Variants in XIRP2 observed in about 807,000 individuals in gnomAD.
The protein encoded by XIRP2 is xin actin binding repeat containing 2.
A neutral mutation model predicts 277.0 loss-of-function variants in XIRP2; 236 were observed. The observed-to-expected ratio is 0.85, with a 90% CI of 0.77 to 0.95. The LOEUF (loss-of-function observed/expected upper bound fraction) is 0.95. XIRP2 is among the 40% of genes least tolerant of loss of function. XIRP2 has a pLI of 0.00. For synonymous variants in XIRP2, 1,490 were observed against 1,416.5 expected, an observed-to-expected ratio of 1.05 and a Z score of -1.17; for missense variants, 4,640 against 4,157.5, an observed-to-expected ratio of 1.12 and a Z score of -3.19.
In XIRP2 at chr2:167,248,870, C is replaced by T. The variant is rs112479318; in HGVS notation, c.7478C>T (p.Ser2493Phe). The change falls in exon 9 of 11, where the codon TCT (serine) becomes TTT (phenylalanine). Residue 2493 changes from serine (S) to phenylalanine (F), a missense_variant. Ser to Phe is a radical substitution (Grantham distance 155). Transcript: ENST00000409195. ...SKSLDERKQL[S>F]IDSANCLSHT... ...AGTCTTGATGAAAGAAAACAATTATCTATTGACTCTGCAAACTGTCTCTCA... is the reference window on the plus strand; with the variant it reads ...AGTCTTGATGAAAGAAAACAATTATTTATTGACTCTGCAAACTGTCTCTCA... 1.8e-5 allele frequency: 29 copies of T among 1,613,620 alleles called. No homozygotes were observed. The African/African-American group carries it at 2.4e-4, about 13-fold the overall frequency.
At chr2:166,953,738 A>G (rs1415266791) in intron 2 of XIRP2, among the ~76,000 whole-genome samples, 1 of 151,886 alleles carries the variant, frequency 6.6e-6, no homozygotes. Flanking sequence ...CTTCCTTAAA[A>G]TACCATTTTT....
intron 3 of XIRP2, among the ~76,000 whole-genome samples, chr2:167,150,469 G>A (rs1046108114): frequency 6.9e-6 from 1 of 144,882 alleles, no homozygotes; most frequent in Admixed American, 6.7e-5. Flanking sequence ...TGGCAGTATT[G>A]GTTTTATTAG....
intron 2 of XIRP2, among the ~76,000 whole-genome samples, chr2:166,914,274 CT>C (rs1307087994): frequency 6.6e-6 from 1 of 152,108 alleles, no homozygotes; most frequent in African/African-American, 2.4e-5. Flanking sequence ...GGAGTTTAAC[CT>C]GTGAAATTTA....
At chr2:167,223,185 A>G (rs1405092785) in intron 5 of XIRP2, among the ~76,000 whole-genome samples, 1 of 151,978 alleles carries the variant, frequency 6.6e-6, no homozygotes, top group Admixed American at 6.6e-5. Flanking sequence ...GTGAAGCCCC[A>G]GAAGCTTCTT....
chr2:166,977,538 C>G (rs1686746793), intron 2 of XIRP2, among the ~76,000 whole-genome samples: 1 of 152,106 alleles, frequency 6.6e-6, no homozygotes, highest in Non-Finnish European at 1.5e-5. Context: ...CTCTCCAACC[C>G]TCTATCCACC....
chr2:167,090,707 T>C (rs560033792), intron 2 of XIRP2, among the ~76,000 whole-genome samples: 2 of 152,158 alleles, frequency 1.3e-5, no homozygotes, highest in East Asian at 1.9e-4. Context: ...AGGGAACATA[T>C]GCAAAGAGAA....
intron 9 of XIRP2, among the ~76,000 whole-genome samples, chr2:167,253,578 G>A (rs1011557945): frequency 9.2e-5 from 14 of 151,670 alleles, no homozygotes; most frequent in Admixed American, 5.3e-4. Context: ...GCTTTAAGAA[G>A]TAAAAACTTT....
At chr2:166,959,172 G>A (rs1311154597) in intron 2 of XIRP2, among the ~76,000 whole-genome samples, 1 of 151,618 alleles carries the variant, frequency 6.6e-6, no homozygotes, top group African/African-American at 2.4e-5. Flanking sequence ...TCTTGCTGTC[G>A]TCTTTAACAT....
rs1334397614 is a variant in XIRP2, at chr2:167,258,459, T to A, written c.*642T>A. 2.5e-6 allele frequency: 4 copies of A among 1,612,936 alleles called. No homozygotes were observed. Among genetic ancestry groups the A allele is most frequent in the Non-Finnish European group, 3.4e-6 (4 of 1,179,620 alleles). ...GAAAAGAAGGAAGGAAGGAAGAATG[T>A]GCAAGATAGGCCGAGTGAAGCTGAA... On this transcript the variant is annotated 3_prime_UTR_variant, in exon 11 of 11. Coordinates refer to ENST00000409195, the MANE Select transcript of XIRP2 (RefSeq NM_152381.6).
chr2:167,190,125 CT>C (rs1693285113), intron 3 of XIRP2, among the ~76,000 whole-genome samples: 1 of 152,214 alleles, frequency 6.6e-6, no homozygotes, highest in Non-Finnish European at 1.5e-5. Context: ...TCCTTGCTTT[CT>C]TCTAACGAGC....
At position 167,178,043 on chromosome 2, in the gene XIRP2, A is replaced by C. The variant is rs1365734724; in HGVS notation, c.563-32692A>C. ...AACATTATTCAGTAAAAACAAAAAA[A>C]AAAAAAGCAAATGTGGAGCACTGGG... On this transcript the variant is annotated intron_variant, in intron 3 of 10. Transcript: ENST00000409195. Among the ~76,000 whole-genome samples, 3 of 152,172 alleles carry C rather than the reference A, an allele frequency of 2.0e-5. No individual in the cohort carries two copies. In the East Asian group the frequency reaches 5.8e-4, roughly 29 times the overall value.
chr2:167,034,478 A>G (rs1688454651), intron 2 of XIRP2, among the ~76,000 whole-genome samples: 1 of 151,908 alleles, frequency 6.6e-6, no homozygotes, highest in African/African-American at 2.4e-5. Flanking sequence ...TCCAATCAAA[A>G]GATACAGAGT....
chr2:167,137,201 C>G (rs1407327649), intron 3 of XIRP2, among the ~76,000 whole-genome samples: 4 of 152,122 alleles, frequency 2.6e-5, no homozygotes, highest in Non-Finnish European at 5.9e-5. Flanking sequence ...GGTGTAGGAA[C>G]AGTCAAGGGG....
intron 2 of XIRP2, among the ~76,000 whole-genome samples, chr2:167,000,709 T>C (rs1179863220): frequency 1.3e-5 from 2 of 152,136 alleles, no homozygotes; most frequent in Non-Finnish European, 2.9e-5. Context: ...ATTTTATGTT[T>C]CAATCATTTA....
At chr2:166,976,862 C>T (rs548079921) in intron 2 of XIRP2, among the ~76,000 whole-genome samples, 3 of 152,230 alleles carry the variant, frequency 2.0e-5, no homozygotes, top group African/African-American at 7.2e-5. Flanking sequence ...CTATCATTTC[C>T]CTCATGTAAC....
At position 166,932,921 on chromosome 2, in the gene XIRP2, A is replaced by G. The variant is rs530567942; in HGVS notation, c.408+29031A>G. ...GGTCTGTTTGTCCATTTGGAAACCA[A>G]TATCGCACTATCTTCATTATTGTAG... On this transcript the variant is annotated intron_variant, in intron 2 of 10. Transcript: ENST00000409195. 2.0e-5 allele frequency among the ~76,000 whole-genome samples: 3 copies of G among 152,322 alleles called. No homozygotes were observed. The South Asian group carries it at 6.2e-4, about 32-fold the overall frequency.
intron 3 of XIRP2, among the ~76,000 whole-genome samples, chr2:167,188,852 A>T: frequency 6.6e-6 from 1 of 152,174 alleles, no homozygotes; most frequent in Non-Finnish European, 1.5e-5. Context: ...CATCTTTAAG[A>T]TACAGCTTCC....
In XIRP2 at chr2:166,909,471, C is replaced by G. The variant is rs1297982115; in HGVS notation, c.408+5581C>G. ...TGATTTTTGCACATTGATTTTGTAT[C>G]CTGAGACTTTGCTGAAGTTGCTTAT... is the stretch of plus-strand genomic sequence containing the variant. On this transcript the variant is annotated intron_variant, in intron 2 of 10. Transcript: ENST00000409195. Among the ~76,000 whole-genome samples, 6 of 152,096 alleles carry G rather than the reference C, an allele frequency of 3.9e-5. No homozygotes were observed. The South Asian group carries it at 1.2e-3, about 32-fold the overall frequency.
chr2:167,193,742 G>A (rs972567295), intron 3 of XIRP2, among the ~76,000 whole-genome samples: 8 of 151,982 alleles, frequency 5.3e-5, no homozygotes, highest in African/African-American at 1.9e-4. Context: ...GCCAGGTGTG[G>A]TGGTGCGTGC....
Sources: gnomAD v4.1 joint callset for allele counts (sites outside exome capture counted in the v4.1 genomes callset) on GRCh38, gnomAD v4.1.1 for gene constraint, MANE v1.5 for transcripts, NCBI Gene and HGNC (gene_info 2026-07-23, HGNC 2026-07-21) for gene names.